Variants in PCDHA11 observed in about 807,000 individuals in gnomAD.
The protein encoded by PCDHA11 is protocadherin alpha-11.
In PCDHA11, 61 loss-of-function variants were observed where a neutral mutation model predicts 70.3. The ratio of observed to expected loss-of-function variants is 0.87; its 90% CI spans 0.71 to 1.07. PCDHA11 has a LOEUF of 1.07. PCDHA11 is among the 50% of genes least tolerant of loss of function. PCDHA11 has a pLI of 0.00. For synonymous variants in PCDHA11, 633 were observed against 555.1 expected, an observed-to-expected ratio of 1.14 and a Z score of -1.97; for missense variants, 1,324 against 1,237.5, an observed-to-expected ratio of 1.07 and a Z score of -1.05.
chr5:140,876,868 G>T, intron 1 of PCDHA11: 1 of 1,614,160 alleles, frequency 6.2e-7, no homozygotes, highest in Non-Finnish European at 8.5e-7. Flanking sequence ...GTTCGTGAAG[G>T]AGAACAACCC....
At chr5:140,966,360 A>T (rs1169207709) in intron 1 of PCDHA11, 1 of 400,440 alleles carries the variant, frequency 2.5e-6, no homozygotes, top group Non-Finnish European at 4.4e-6. Flanking sequence ...ATGGGGCTGG[A>T]GAGGCTGAGC....
At chr5:140,966,631 G>A in intron 1 of PCDHA11, 1 of 995,532 alleles carries the variant, frequency 1.0e-6, no homozygotes, top group Non-Finnish European at 1.4e-6. Flanking sequence ...AGCGGCCCCA[G>A]GCGCTTTCTA....
At chr5:140,975,208 G>A (rs1449804050) in intron 1 of PCDHA11, among the ~76,000 whole-genome samples, 1 of 152,170 alleles carries the variant, frequency 6.6e-6, no homozygotes, top group African/African-American at 2.4e-5. Context: ...TTCATGGCTG[G>A]CACTGGAGAA....
intron 1 of PCDHA11, among the ~76,000 whole-genome samples, chr5:140,890,365 T>A: frequency 6.6e-6 from 1 of 152,216 alleles, no homozygotes; most frequent in Non-Finnish European, 1.5e-5. Context: ...ATGGATAACC[T>A]GAACAAGTAC....
chr5:140,966,928 C>T (rs782034487), intron 1 of PCDHA11: 1 of 1,603,332 alleles, frequency 6.2e-7, no homozygotes, highest in South Asian at 1.1e-5. Context: ...AGCAGGCACC[C>T]GGCGCGCTCG....
At chr5:140,953,932 C>T (rs1005245846) in intron 1 of PCDHA11, among the ~76,000 whole-genome samples, 1 of 152,060 alleles carries the variant, frequency 6.6e-6, no homozygotes, top group Admixed American at 6.6e-5. Flanking sequence ...CTGATGCTCT[C>T]CCTCCCATTG....
chr5:140,869,892 A>G lies in PCDHA11; in HGVS notation c.789A>G (p.Lys263=). Residue 263 remains lysine, a synonymous_variant, in exon 1 of 4, where the codon AAA becomes AAG. Coordinates refer to ENST00000398640, the MANE Select transcript of PCDHA11 (RefSeq NM_018902.5). ...ENAAKETLVL[K]LNATDRDEGV... ...CTGCTAAAGAAACTCTTGTGCTCAAACTAAACGCCACAGACCGAGACGAAG... is the reference window on the plus strand; with the variant it reads ...CTGCTAAAGAAACTCTTGTGCTCAAGCTAAACGCCACAGACCGAGACGAAG... 6.2e-7 allele frequency: 1 copy of G among 1,610,608 alleles called. No individual in the cohort carries two copies. Among genetic ancestry groups the G allele is most frequent in the Non-Finnish European group, 8.5e-7 (1 of 1,178,194 alleles).
intron 1 of PCDHA11, chr5:140,928,095 G>A (rs782045221): frequency 6.2e-7 from 1 of 1,614,190 alleles, no homozygotes; most frequent in African/African-American, 1.3e-5. Flanking sequence ...TGATTGATGG[G>A]CCCCTGGACC....
At chr5:140,969,410 T>C (rs528910445) in intron 1 of PCDHA11, 12 of 1,572,752 alleles carry the variant, frequency 7.6e-6, no homozygotes, top group South Asian at 1.2e-5. Flanking sequence ...TTTGGCTTTA[T>C]TGAGTCATTA....
chr5:140,941,211 CTTCCTTTCTTTCTTTCTTT>C (rs1563185577), intron 1 of PCDHA11, among the ~76,000 whole-genome samples: 1,494 of 129,708 alleles, frequency 0.012, 26 homozygotes, highest in African/African-American at 0.041. Flanking sequence ...TCCTTTCTTT[CTTCCTTTCTTTCTTTCTTT>C]CTTTCTTTCT....
chr5:140,917,874 C>T (rs1240832097), intron 1 of PCDHA11, among the ~76,000 whole-genome samples: 2 of 151,008 alleles, frequency 1.3e-5, no homozygotes, highest in African/African-American at 4.9e-5. Context: ...ACTATTTGGG[C>T]TCTTTTTTTT....
At chr5:140,987,938 C>G (rs2153869339) in intron 3 of PCDHA11, among the ~76,000 whole-genome samples, 1 of 152,208 alleles carries the variant, frequency 6.6e-6, no homozygotes, top group East Asian at 1.9e-4. Context: ...AGGATTCTTA[C>G]CTGTCTGACA....
At chr5:140,918,789 G>A (rs1453306973) in intron 1 of PCDHA11, among the ~76,000 whole-genome samples, 7 of 142,426 alleles carry the variant, frequency 4.9e-5, no homozygotes, top group African/African-American at 1.9e-4. Flanking sequence ...TGAGGACACA[G>A]CAAAAATGTG....
chr5:140,883,179 C>A, intron 1 of PCDHA11: 4 of 1,613,776 alleles, frequency 2.5e-6, no homozygotes, highest in Non-Finnish European at 1.7e-6. Flanking sequence ...GAAATTAGGA[C>A]AAAAGGCAAA....
chr5:140,922,647 A>G (rs568444047), intron 1 of PCDHA11, among the ~76,000 whole-genome samples: 35 of 152,262 alleles, frequency 2.3e-4, no homozygotes, highest in Non-Finnish European at 4.6e-4. Context: ...ATCAAACAGT[A>G]AATATGGCTA....
At chr5:140,978,491 C>T (rs550205477) in intron 1 of PCDHA11, among the ~76,000 whole-genome samples, 2 of 152,354 alleles carry the variant, frequency 1.3e-5, no homozygotes, top group African/African-American at 4.8e-5. Flanking sequence ...GCAAAGCCAG[C>T]AGCAGATTGC....
chr5:140,871,301 C>T lies in PCDHA11; in HGVS notation c.2198C>T (p.Pro733Leu), dbSNP rs781904724. 1.9e-6 allele frequency: 3 copies of T among 1,613,800 alleles called. No individual in the cohort carries two copies. In the African/African-American group the frequency reaches 4.0e-5, roughly 22 times the overall value. The part of the protein sequence containing the change: ...SATPTEGACA[P>L]GKPTLVCSRA... ...ACGCCCACTGAGGGCGCGTGCGCGC[C>T]GGGGAAGCCCACGCTGGTGTGCTCC... is the stretch of plus-strand genomic sequence containing the variant. The change falls in exon 1 of 4, where the codon CCG becomes CTG. Residue 733 changes from proline to leucine, a missense_variant. Coordinates refer to ENST00000398640, the MANE Select transcript of PCDHA11 (RefSeq NM_018902.5).
intron 3 of PCDHA11, among the ~76,000 whole-genome samples, chr5:141,002,672 C>A (rs1301536253): frequency 6.6e-6 from 1 of 152,292 alleles, no homozygotes; most frequent in African/African-American, 2.4e-5. Context: ...AGGACCAAAA[C>A]CTATACGACG....
chr5:141,009,233 T>C (rs2098403082), intron 3 of PCDHA11, among the ~76,000 whole-genome samples: 1 of 152,184 alleles, frequency 6.6e-6, no homozygotes, highest in Non-Finnish European at 1.5e-5. Context: ...GGTGGGAGGA[T>C]CTCTTGAGCT....
Sources: gnomAD v4.1 joint callset for allele counts (sites outside exome capture counted in the v4.1 genomes callset) on GRCh38, gnomAD v4.1.1 for gene constraint, MANE v1.5 for transcripts, NCBI Gene and HGNC (gene_info 2026-07-23, HGNC 2026-07-21) for gene names.